The following MGAT5 variants were observed in gnomAD, a reference collection of about 807,000 sequenced individuals.
MGAT5 encodes the protein alpha-1,6-mannosylglycoprotein 6-beta-N-acetylglucosaminyltransferase, also known as alpha-1,6-mannosylglycoprotein 6-beta-N-acetylglucosaminyltransferase A.
Under a neutral mutation model 94.3 loss-of-function variants are expected in MGAT5, and 30 were observed. The ratio of observed to expected loss-of-function variants is 0.32; its 90% CI spans 0.24 to 0.43. The LOEUF is 0.43. Ranked by LOEUF, MGAT5 falls within the 20% of genes least tolerant of loss-of-function variation. The pLI is 1.00. For synonymous variants in MGAT5, 310 were observed against 322.9 expected (o/e 0.96, Z 0.43); for missense variants, 691 against 905.5 (o/e 0.76, Z 3.04).
intron 1 of MGAT5, among the ~76,000 whole-genome samples, chr2:134,237,622 C>CTTT (rs34504085): frequency 1.6e-4 from 10 of 62,410 alleles, no homozygotes; most frequent in East Asian, 4.6e-4. Flanking sequence ...TGATTTAATT[C>CTTT]TTTTTTTTTT....
rs145138774 is a variant in MGAT5, at chr2:134,371,652, C to G, written c.1380+9244C>G. On this transcript the variant is annotated intron_variant, in intron 10 of 15. Coordinates refer to ENST00000281923, the MANE Select transcript of MGAT5 (RefSeq NM_002410.5). Reference sequence around the variant, plus strand: ...ATGCCAACCAGCCCTGCATCTGGGACTTGGAGCCTGTCAGCTCCCTGCTCT... The same window carrying G: ...ATGCCAACCAGCCCTGCATCTGGGAGTTGGAGCCTGTCAGCTCCCTGCTCT... 2.4e-3 allele frequency among the ~76,000 whole-genome samples: 371 copies of G among 152,286 alleles called. 7 individuals are homozygous for G. The highest frequency in any genetic ancestry group is 0.022 in the East Asian group (112 of 5,172).
intron 10 of MGAT5, among the ~76,000 whole-genome samples, chr2:134,367,060 C>T (rs1388032908): frequency 1.3e-5 from 2 of 152,198 alleles, no homozygotes; most frequent in Non-Finnish European, 2.9e-5. Context: ...GTGTCTTCCT[C>T]GTGTCCTGCT....
chr2:134,309,119 G>A (rs1244128269), intron 2 of MGAT5, among the ~76,000 whole-genome samples: 2 of 152,120 alleles, frequency 1.3e-5, no homozygotes, highest in Non-Finnish European at 2.9e-5. Flanking sequence ...CTAGCATAAT[G>A]TTTTCAAGGT....
At chr2:134,183,558 C>T (rs1009305449) in intron 1 of MGAT5, among the ~76,000 whole-genome samples, 5 of 152,148 alleles carry the variant, frequency 3.3e-5, no homozygotes, top group Non-Finnish European at 7.3e-5. Flanking sequence ...TAGTAGTAGT[C>T]TTGTCTATAG....
chr2:134,352,925 A>G (rs1240069473), intron 9 of MGAT5, among the ~76,000 whole-genome samples: 2 of 152,228 alleles, frequency 1.3e-5, no homozygotes, highest in Non-Finnish European at 2.9e-5. Flanking sequence ...CCTCAAGCAT[A>G]TTATGCTAAG....
intron 1 of MGAT5, among the ~76,000 whole-genome samples, chr2:134,227,851 A>G (rs1681145812): frequency 6.6e-6 from 1 of 152,158 alleles, no homozygotes; most frequent in African/African-American, 2.4e-5. Flanking sequence ...GGTTTTGGCA[A>G]TAGCTCTGGG....
At chr2:134,226,086 C>T (rs1681047371) in intron 1 of MGAT5, among the ~76,000 whole-genome samples, 2 of 152,176 alleles carry the variant, frequency 1.3e-5, no homozygotes, top group South Asian at 4.1e-4. Flanking sequence ...TCTGCTCTGC[C>T]CCTTGGCTAA....
At chr2:134,139,539 C>G (rs1231863502) in intron 1 of MGAT5, among the ~76,000 whole-genome samples, 1 of 152,152 alleles carries the variant, frequency 6.6e-6, no homozygotes, top group Non-Finnish European at 1.5e-5. Flanking sequence ...CACAGGCATG[C>G]AAACACACCC....
chr2:134,251,006 G>T (rs1036490667), upstream of MGAT5, among the ~76,000 whole-genome samples: 5 of 152,126 alleles, frequency 3.3e-5, no homozygotes, highest in Admixed American at 6.5e-5. Context: ...TATTCAGTAG[G>T]GTTAATTGAG....
At chr2:134,294,490 C>G (rs1027106283) in intron 2 of MGAT5, among the ~76,000 whole-genome samples, 3 of 152,066 alleles carry the variant, frequency 2.0e-5, no homozygotes, top group Admixed American at 6.5e-5. Context: ...CACTGCAGGT[C>G]AAGTTCTGTG....
At chr2:134,238,123 T>G (rs1200389244) in intron 1 of MGAT5, among the ~76,000 whole-genome samples, 1 of 152,170 alleles carries the variant, frequency 6.6e-6, no homozygotes, top group Admixed American at 6.5e-5. Flanking sequence ...CGTGAAGCTC[T>G]CTGAGAGGTA....
At chr2:134,401,437 G>C (rs1454495974) in intron 10 of MGAT5, among the ~76,000 whole-genome samples, 3 of 152,110 alleles carry the variant, frequency 2.0e-5, no homozygotes, top group African/African-American at 7.2e-5. Context: ...CTGCTGGCCA[G>C]CCTAGGAGTG....
At chr2:134,402,329 T>C (rs984185726) in intron 10 of MGAT5, among the ~76,000 whole-genome samples, 1 of 152,234 alleles carries the variant, frequency 6.6e-6, no homozygotes, top group African/African-American at 2.4e-5. Context: ...GTAAAATTAC[T>C]CTTGAATGTT....
At chr2:134,249,568 G>T (rs1223626120), upstream of MGAT5, among the ~76,000 whole-genome samples, 1 of 152,110 alleles carries the variant, frequency 6.6e-6, no homozygotes, top group Non-Finnish European at 1.5e-5. Context: ...TCTATGTGTA[G>T]CATAATCAGT....
chr2:134,411,933 C>A (rs907740758), intron 11 of MGAT5, among the ~76,000 whole-genome samples: 2 of 152,186 alleles, frequency 1.3e-5, no homozygotes, highest in Non-Finnish European at 2.9e-5. Context: ...ACAGAACAGG[C>A]TTTTATGTGG....
rs75323785 is a variant in MGAT5 at position 134,420,222 on chromosome 2, A to G, written c.1678-2581A>G. ...CAGAATCGTCATTGATGCATAATAA[A>G]CCTGAGAAATAACGTTTGTGCAGGT... On this transcript the variant is annotated intron_variant, in intron 12 of 15. Coordinates refer to ENST00000281923, the MANE Select transcript of MGAT5 (RefSeq NM_002410.5). Among the ~76,000 whole-genome samples, 501 of 152,256 alleles carry G rather than the reference A, an allele frequency of 3.3e-3. 1 individual carries two copies. Among genetic ancestry groups the G allele is most frequent in the Non-Finnish European group, 5.5e-3 (375 of 68,024 alleles).
chr2:134,377,805 C>T (rs980049295), intron 10 of MGAT5, among the ~76,000 whole-genome samples: 1 of 152,132 alleles, frequency 6.6e-6, no homozygotes, highest in African/African-American at 2.4e-5. Context: ...TTTTTCCATT[C>T]CTGTTAGCCG....
chr2:134,196,402 TAA>T lies in MGAT5; in HGVS notation c.-142-57847_-142-57846del, dbSNP rs11405614. On this transcript the variant is annotated intron_variant, in intron 1 of 16. Transcript: ENST00000409645. ...GCCTTTTCTTTCAGATCTTAAGGCTTAAAAAAAAAAAAAACTATGGATCCAAG... is the reference window on the plus strand; with the variant it reads ...GCCTTTTCTTTCAGATCTTAAGGCTTAAAAAAAAAAAACTATGGATCCAAG... 4.8e-5 allele frequency among the ~76,000 whole-genome samples: 7 copies of T among 145,858 alleles called. No individual in the cohort carries two copies. In the South Asian group the frequency reaches 8.8e-4, roughly 18 times the overall value.
At chr2:134,360,221 G>A (rs1039231924) in intron 9 of MGAT5, among the ~76,000 whole-genome samples, 6 of 152,180 alleles carry the variant, frequency 3.9e-5, no homozygotes, top group African/African-American at 1.4e-4. Flanking sequence ...AGAGTTAATT[G>A]AGTACCAAAT....
Sources: gnomAD v4.1 joint callset for allele counts (sites outside exome capture counted in the v4.1 genomes callset) on GRCh38, gnomAD v4.1.1 for gene constraint, MANE v1.5 for transcripts, NCBI Gene and HGNC (gene_info 2026-07-23, HGNC 2026-07-21) for gene names.